Variants in ZNF140 observed in about 807,000 individuals in gnomAD.
ZNF140 encodes zinc finger protein 140.
ZNF140 carries 13 observed loss-of-function variants against 12.9 expected under a neutral mutation model. That is an observed-to-expected ratio of 1.01 (90% confidence interval 0.66 to 1.60). ZNF140 has a LOEUF of 1.60. Among genes scored for constraint, ZNF140 ranks in the 40% most tolerant of loss-of-function variants. The pLI is 0.00. For missense variants in ZNF140, 531 were observed against 548.8 expected (o/e 0.97, Z 0.32); for synonymous variants, 214 against 186.7 (o/e 1.15, Z -1.19).
chr12:133,106,481 C>A lies in ZNF140; in HGVS notation c.1204C>A (p.Leu402Ile). ...CTTCAGCCGGAGCTTTTCCCTCATT[C>A]TACATCAGAGAACTCATACTGGAGA... ...KAFSRSFSLI[L>I]HQRTHTGEKP... is the part of the protein sequence containing the mutation. The change falls in exon 5 of 5, where the codon CTA becomes ATA. Residue 402 changes from leucine (L) to isoleucine (I), a missense_variant. Physicochemically the swap from Leu to Ile is conservative, Grantham distance 5. Transcript: ENST00000355557. The A allele has an allele frequency of 6.2e-7, 1 of 1,613,996 alleles. No homozygotes were observed. Among genetic ancestry groups the A allele is most frequent in the Non-Finnish European group, 8.5e-7 (1 of 1,179,960 alleles).
At position 133,105,880 on chromosome 12, in the gene ZNF140, T is replaced by C. The variant is rs1955572994; in HGVS notation, c.603T>C (p.Ile201=). 2 of 1,613,950 alleles carry C rather than the reference T, an allele frequency of 1.2e-6. No individual in the cohort carries two copies. Among genetic ancestry groups the C allele is most frequent in the Non-Finnish European group, 1.7e-6 (2 of 1,180,008 alleles). ...AATGTGGCAAAACCTTTAGCCAGAT[T>C]TCAAACCTTGTGAAACACCAAATGA... The part of the protein sequence containing the change: ...CKECGKTFSQ[I]SNLVKHQMIH... Residue 201 remains isoleucine, a synonymous_variant, in exon 5 of 5, where the codon ATT becomes ATC. Coordinates refer to ENST00000355557, the MANE Select transcript of ZNF140 (RefSeq NM_003440.4).
chr12:133,092,330 C>G (rs890585361), intron 4 of ZNF140, among the ~76,000 whole-genome samples: 1 of 151,062 alleles, frequency 6.6e-6, no homozygotes, highest in African/African-American at 2.5e-5. Flanking sequence ...TAACAGAATA[C>G]GATGCTGCCA....
chr12:133,094,507 T>C (rs1954998686), intron 4 of ZNF140, among the ~76,000 whole-genome samples: 2 of 151,244 alleles, frequency 1.3e-5, no homozygotes. Context: ...TCAGTTAGCA[T>C]GCACCATCTG....
chr12:133,106,417 T>G lies in ZNF140; in HGVS notation c.1140T>G (p.Thr380=). The change falls in exon 5 of 5, where the codon ACT becomes ACG. Residue 380 remains threonine, a synonymous_variant. Coordinates refer to ENST00000355557, the MANE Select transcript of ZNF140 (RefSeq NM_003440.4). ...ASLIQHTKSH[T]GEKPYACAEC... ...TTATTCAACATACGAAGAGTCACACTGGAGAGAAACCCTATGCGTGTGCTG... is the reference window on the plus strand; with the variant it reads ...TTATTCAACATACGAAGAGTCACACGGGAGAGAAACCCTATGCGTGTGCTG... 6.2e-7 allele frequency: 1 copy of G among 1,614,148 alleles called. No individual in the cohort carries two copies. The highest frequency in any genetic ancestry group is 8.5e-7 in the Non-Finnish European group (1 of 1,180,020).
At chr12:133,080,853 C>G (rs1327949337), upstream of ZNF140, 1 of 152,554 alleles carries the variant, frequency 6.6e-6, no homozygotes, top group Admixed American at 6.5e-5. Context: ...GTTGGGGTGA[C>G]GTCGGCGAGG....
chr12:133,101,660 G>A (rs953536237), intron 4 of ZNF140, among the ~76,000 whole-genome samples: 4 of 152,082 alleles, frequency 2.6e-5, no homozygotes, highest in Non-Finnish European at 5.9e-5. Context: ...AGCCAGGATG[G>A]TCTTGATCTC....
rs377610960 is a variant in ZNF140 at position 133,095,856 on chromosome 12, C to T, written c.233-9654C>T. Among the ~76,000 whole-genome samples, 21 of 152,106 alleles carry T rather than the reference C, an allele frequency of 1.4e-4. No individual in the cohort carries two copies. In the East Asian group the frequency reaches 2.1e-3, roughly 15 times the overall value. ...AGCGGAGTAAAGAATAACAAGGCAG[C>T]ATTACTGCAAACATATCTCGCCTCC... On this transcript the variant is annotated intron_variant, in intron 4 of 4. Transcript: ENST00000355557.
Position 133,107,316 on chromosome 12 carries a change from A to G in ZNF140, c.*665A>G, listed in dbSNP as rs1169513576. ...AATCTCCTTAGATATCTGAAAAGTC[A>G]TACTGGATGGAATCTGTAGGAAACG... On this transcript the variant is annotated 3_prime_UTR_variant, in exon 5 of 5. Transcript: ENST00000355557. 2 of 152,240 alleles carry G rather than the reference A, an allele frequency of 1.3e-5. No individual in the cohort carries two copies. Among genetic ancestry groups the G allele is most frequent in the Non-Finnish European group, 2.9e-5 (2 of 68,038 alleles). 9.4% of individuals were successfully genotyped at this position (152,240 alleles called of 1,614,324 possible). A position where few individuals can be genotyped will look rare whatever the true frequency, so the allele number is the denominator to read the frequency against.
rs1204324235 is a variant in ZNF140, at chr12:133,106,867, G to C, written c.*216G>C. 1 of 408,206 alleles carries C rather than the reference G, an allele frequency of 2.4e-6. No individual in the cohort carries two copies. The highest frequency in any genetic ancestry group is 2.1e-5 in the African/African-American group (1 of 48,292). The allele number at this position is 408,206 out of a possible 1,614,324, so 25.3% of individuals were successfully genotyped here. On this transcript the variant is annotated 3_prime_UTR_variant, in exon 5 of 5. Transcript: ENST00000355557. Reference sequence around the variant, plus strand: ...CTCTTTTATTTTTTTGCAATAACAAGGTGAAATCAATATTGTTGAGAAGAT... The same window carrying C: ...CTCTTTTATTTTTTTGCAATAACAACGTGAAATCAATATTGTTGAGAAGAT...
chr12:133,083,023 A>G, intron 2 of ZNF140, 80 bp from the exon 3 acceptor site: 1 of 1,607,530 alleles, frequency 6.2e-7, no homozygotes, highest in Non-Finnish European at 8.5e-7. Flanking sequence ...TAACCTCCAC[A>G]GTGAGACTCA....
chr12:133,091,033 A>T lies in ZNF140; in HGVS notation c.232+7472A>T, dbSNP rs770646. 8.4e-5 allele frequency among the ~76,000 whole-genome samples: 12 copies of T among 143,504 alleles called. No homozygotes were observed. In the South Asian group the frequency reaches 2.8e-3, roughly 33 times the overall value. The allele number at this position is 143,504 out of a possible 152,430, so 94.1% of individuals were successfully genotyped here. On this transcript the variant is annotated intron_variant, in intron 4 of 4. Coordinates refer to ENST00000355557, the MANE Select transcript of ZNF140 (RefSeq NM_003440.4). ...CGAGACATTCAGTTCCCAGGGGCAG[A>T]CAGGAGACAGTGGCCTTCCTCTATC...
rs184305554 is a variant in ZNF140, at chr12:133,102,931, A to C, written c.233-2579A>C. Reference sequence around the variant, plus strand: ...GCTATGTAATTAGCATTCTATTTTTATATCTCGAACATTGTTTTGATTGTG... The same window carrying C: ...GCTATGTAATTAGCATTCTATTTTTCTATCTCGAACATTGTTTTGATTGTG... On this transcript the variant is annotated intron_variant, in intron 4 of 4. Transcript: ENST00000355557. Among the ~76,000 whole-genome samples, 1,398 of 151,894 alleles carry C rather than the reference A, an allele frequency of 9.2e-3. 24 individuals carry two copies. The highest frequency in any genetic ancestry group is 0.032 in the African/African-American group (1,310 of 41,222).
At chr12:133,096,634 A>C (rs926741228) in intron 4 of ZNF140, among the ~76,000 whole-genome samples, 3 of 152,146 alleles carry the variant, frequency 2.0e-5, no homozygotes, top group African/African-American at 7.2e-5. Context: ...TGTTTGTGTT[A>C]CTTAGAAGTG....
At chr12:133,083,296 G>T in intron 3 of ZNF140, 67 bp downstream of exon 3, 1 of 1,562,032 alleles carries the variant, frequency 6.4e-7, no homozygotes, top group South Asian at 1.2e-5. Context: ...ATAATTATCT[G>T]GCTGAATATT....
intron 4 of ZNF140, among the ~76,000 whole-genome samples, chr12:133,097,897 C>T (rs376299729): frequency 6.6e-5 from 10 of 151,066 alleles, no homozygotes; most frequent in East Asian, 2.0e-4. Context: ...AGTGCAGTGG[C>T]GCAATCTTGG....
intron 1 of ZNF140, 75 bp downstream of exon 1, chr12:133,081,147 G>T: frequency 3.2e-6 from 1 of 308,200 alleles, no homozygotes; most frequent in Non-Finnish European, 6.5e-6. Context: ...CGATCTCTCA[G>T]GGCGCCCTGC....
At chr12:133,100,286 A>G (rs1467172025) in intron 4 of ZNF140, among the ~76,000 whole-genome samples, 2 of 145,474 alleles carry the variant, frequency 1.4e-5, no homozygotes, top group African/African-American at 5.2e-5. Flanking sequence ...TTTCACCTCA[A>G]CCTCCTGAGT....
Position 133,107,299 on chromosome 12 carries a change from T to A in ZNF140, c.*648T>A, listed in dbSNP as rs1295699142. Reference sequence around the variant, plus strand: ...TGTAATAAGTGTAGCAAAATCTCCTTAGATATCTGAAAAGTCATACTGGAT... The same window carrying A: ...TGTAATAAGTGTAGCAAAATCTCCTAAGATATCTGAAAAGTCATACTGGAT... On this transcript the variant is annotated 3_prime_UTR_variant, in exon 5 of 5. Transcript: ENST00000355557. 5 of 152,254 alleles carry A rather than the reference T, an allele frequency of 3.3e-5. No individual in the cohort carries two copies. The highest frequency in any genetic ancestry group is 5.9e-5 in the Non-Finnish European group (4 of 68,038). The allele number at this position is 152,254 out of a possible 1,614,324, so 9.4% of individuals were successfully genotyped here.
intron 4 of ZNF140, among the ~76,000 whole-genome samples, chr12:133,091,160 C>T (rs1954868588): frequency 6.7e-6 from 1 of 150,112 alleles, no homozygotes; most frequent in Non-Finnish European, 1.5e-5. Flanking sequence ...CCCACGAGGC[C>T]ATATTTCAGA....
Sources: allele counts gnomAD v4.1 joint callset (sites outside exome capture counted in the v4.1 genomes callset), GRCh38; gene constraint gnomAD v4.1.1; transcripts MANE v1.5; gene names NCBI Gene and HGNC (gene_info 2026-07-23, HGNC 2026-07-21).